Variants in PEX5L observed in about 807,000 individuals in gnomAD.
PEX5L encodes peroxisomal biogenesis factor 5 like, also known as PEX5-related protein.
PEX5L carries 30 observed loss-of-function variants against 84.0 expected under a neutral mutation model. The ratio of observed to expected loss-of-function variants is 0.36; its 90% CI spans 0.27 to 0.48. PEX5L has a LOEUF of 0.48. Among genes scored for constraint, PEX5L ranks in the 20% least tolerant of loss-of-function variants. The pLI is 0.99. For synonymous variants in PEX5L, 270 were observed against 283.1 expected, an observed-to-expected ratio of 0.95 and a Z score of 0.46; for missense variants, 533 against 754.6, an observed-to-expected ratio of 0.71 and a Z score of 3.44.
At chr3:179,931,890 G>A (rs978153427) in intron 2 of PEX5L, among the ~76,000 whole-genome samples, 6 of 152,008 alleles carry the variant, frequency 3.9e-5, no homozygotes, top group African/African-American at 1.4e-4. Flanking sequence ...GTGTGACAGT[G>A]TTTTTGGATG....
At chr3:179,861,693 A>G (rs1390811026) in intron 7 of PEX5L, among the ~76,000 whole-genome samples, 1 of 152,254 alleles carries the variant, frequency 6.6e-6, no homozygotes, top group Non-Finnish European at 1.5e-5. Context: ...GACCTGAAAC[A>G]TAAAAGTGAA....
At chr3:180,035,155 G>A (rs1172266587) in intron 1 of PEX5L, among the ~76,000 whole-genome samples, 2 of 152,162 alleles carry the variant, frequency 1.3e-5, no homozygotes, top group East Asian at 3.9e-4. Context: ...TTTTACCCTT[G>A]TGAAGAAACT....
chr3:179,899,677 A>T (rs924450763), intron 2 of PEX5L, among the ~76,000 whole-genome samples: 4 of 152,178 alleles, frequency 2.6e-5, no homozygotes, highest in African/African-American at 9.6e-5. Context: ...ACAAAGAAAA[A>T]CTTTTTGTAT....
intron 7 of PEX5L, among the ~76,000 whole-genome samples, chr3:179,869,762 C>G (rs1320100636): frequency 6.6e-6 from 1 of 152,158 alleles, no homozygotes; most frequent in Admixed American, 6.5e-5. Context: ...AGTTAAAGAT[C>G]CTGAAACTTT....
At chr3:179,923,189 G>T (rs1231891281) in intron 2 of PEX5L, among the ~76,000 whole-genome samples, 1 of 151,396 alleles carries the variant, frequency 6.6e-6, no homozygotes, top group Non-Finnish European at 1.5e-5. Context: ...TACTCGGGAG[G>T]CTGAGGCGGG....
At position 179,796,716 on chromosome 3, in the gene PEX5L, A is replaced by G. The variant is rs1209081227; in HGVS notation, c.*5112T>C. ...TCTCCCTTTCTGGTCTCCTCATAAA[A>G]TAGGGGTTATGGGAAAAGGCAGTGA... On this transcript the variant is annotated 3_prime_UTR_variant, in exon 15 of 15. Transcript: ENST00000467460. 1.3e-5 allele frequency: 2 copies of G among 152,136 alleles called. No homozygotes were observed. Among genetic ancestry groups the G allele is most frequent in the Admixed American group, 6.5e-5 (1 of 15,270 alleles). The allele number at this position is 152,136 out of a possible 1,614,324, so 9.4% of individuals were successfully genotyped here.
intron 12 of PEX5L, among the ~76,000 whole-genome samples, 174 bp downstream of exon 12, chr3:179,809,297 C>A (rs962800058): frequency 6.6e-6 from 1 of 151,906 alleles, no homozygotes; most frequent in African/African-American, 2.4e-5. Context: ...CGAAGGTTGG[C>A]CCTGGTCTAA....
chr3:179,859,283 T>G, intron 7 of PEX5L, 126 bp from the exon 8 acceptor site: 1 of 696,718 alleles, frequency 1.4e-6, no homozygotes, highest in Non-Finnish European at 2.5e-6. Flanking sequence ...ACTGATGACA[T>G]TTTTGGAGTA....
intron 14 of PEX5L, among the ~76,000 whole-genome samples, chr3:179,806,568 T>C (rs964404419): frequency 6.6e-6 from 1 of 152,356 alleles, no homozygotes; most frequent in South Asian, 2.1e-4. Context: ...TCAGAAGCAG[T>C]CATTCTTTAG....
At chr3:179,871,966 A>G (rs1176353738) in intron 7 of PEX5L, among the ~76,000 whole-genome samples, 1 of 152,142 alleles carries the variant, frequency 6.6e-6, no homozygotes, top group Non-Finnish European at 1.5e-5. Flanking sequence ...AGCTCACTGT[A>G]GCCTCTGCCT....
At position 179,918,480 on chromosome 3, in the gene PEX5L, C is replaced by T. The variant is rs11929000; in HGVS notation, c.94-20234G>A. 5.2e-3 allele frequency among the ~76,000 whole-genome samples: 788 copies of T among 152,310 alleles called. 7 individuals carry two copies. Among genetic ancestry groups the T allele is most frequent in the African/African-American group, 0.018 (742 of 41,562 alleles). ...AATAAAATTCTTGAAGACATTGTGGCACAGTAGCTTTTTTAAGCGTCACTG... is the reference window on the plus strand; with the variant it reads ...AATAAAATTCTTGAAGACATTGTGGTACAGTAGCTTTTTTAAGCGTCACTG... On this transcript the variant is annotated intron_variant, in intron 2 of 14. Transcript: ENST00000467460.
chr3:179,909,933 T>C (rs1377707978), intron 2 of PEX5L, among the ~76,000 whole-genome samples: 2 of 152,148 alleles, frequency 1.3e-5, no homozygotes, highest in African/African-American at 4.8e-5. Context: ...GAAAATAAAA[T>C]AAATTTCTAT....
At chr3:179,961,338 G>C (rs1377774806) in intron 2 of PEX5L, among the ~76,000 whole-genome samples, 2 of 141,728 alleles carry the variant, frequency 1.4e-5, no homozygotes, top group East Asian at 4.3e-4. Context: ...AGTTGTTTTG[G>C]AGAAAAGGAA....
rs908992216 is a variant in PEX5L at position 180,036,813 on chromosome 3, G to C, written c.-214C>G. The C allele has an allele frequency of 1.7e-6, 1 of 579,850 alleles. No homozygotes were observed. The highest frequency in any genetic ancestry group is 3.1e-6 in the Non-Finnish European group (1 of 320,626). The allele number at this position is 579,850 out of a possible 1,614,324, so 35.9% of individuals were successfully genotyped here. The stretch of plus-strand genomic sequence containing the variant: ...TTCTCCGCTCGGGGTGCTGAAAGCG[G>C]ACGCGGGAGAGCGCGCAGAGAAGGC... On this transcript the variant is annotated 5_prime_UTR_variant, in exon 1 of 15. Transcript: ENST00000467460.
At chr3:179,970,960 A>G (rs1464923383) in intron 2 of PEX5L, among the ~76,000 whole-genome samples, 5 of 152,152 alleles carry the variant, frequency 3.3e-5, no homozygotes, top group African/African-American at 1.2e-4. Flanking sequence ...ATGGGCTGGA[A>G]ACCTTCCATT....
chr3:179,857,964 T>C (rs1290013400), intron 8 of PEX5L, among the ~76,000 whole-genome samples: 6 of 152,180 alleles, frequency 3.9e-5, no homozygotes, highest in Non-Finnish European at 7.4e-5. Flanking sequence ...GTAGATGGTA[T>C]TGTGGTGAAA....
intron 4 of PEX5L, among the ~76,000 whole-genome samples, chr3:179,885,499 AGC>A (rs1755551247): frequency 1.3e-5 from 2 of 152,136 alleles, no homozygotes; most frequent in South Asian, 4.1e-4. Flanking sequence ...ACAAAAAATC[AGC>A]CAGTCGTGGT....
intron 13 of PEX5L, among the ~76,000 whole-genome samples, 189 bp from the exon 14 acceptor site, chr3:179,808,020 G>A (rs1330127742): frequency 6.6e-6 from 1 of 152,146 alleles, no homozygotes; most frequent in African/African-American, 2.4e-5. Flanking sequence ...ACTCGTCAAT[G>A]AACAGCTACC....
chr3:179,841,776 C>T (rs996604406), intron 8 of PEX5L, among the ~76,000 whole-genome samples: 3 of 152,176 alleles, frequency 2.0e-5, no homozygotes, highest in Non-Finnish European at 4.4e-5. Context: ...GGTGGCACAA[C>T]ATGATCAGAG....
Sources: allele counts gnomAD v4.1 joint callset (sites outside exome capture counted in the v4.1 genomes callset), GRCh38; gene constraint gnomAD v4.1.1; transcripts MANE v1.5; gene names NCBI Gene and HGNC (gene_info 2026-07-23, HGNC 2026-07-21).